TMCC1: variants seen among roughly 807,000 people sequenced by gnomAD.
The protein encoded by TMCC1 is transmembrane and coiled-coil domain family 1.
In TMCC1, 15 loss-of-function variants were observed where a neutral mutation model predicts 52.4. The observed-to-expected ratio is 0.29, with a 90% CI of 0.19 to 0.44. The LOEUF is 0.44. Ranked by LOEUF, TMCC1 falls within the 20% of genes least tolerant of loss-of-function variation. TMCC1 has a pLI of 1.00. For synonymous variants in TMCC1, 279 were observed against 301.9 expected (o/e 0.92, Z 0.79); for missense variants, 503 against 806.0 (o/e 0.62, Z 4.55).
chr3:129,738,023 C>A (rs571262111), intron 4 of TMCC1, among the ~76,000 whole-genome samples: 5 of 152,048 alleles, frequency 3.3e-5, no homozygotes, highest in Non-Finnish European at 7.4e-5. Context: ...GTAATCCCAG[C>A]ACTTTGGGAG....
At chr3:129,751,347 T>C (rs147627724) in intron 4 of TMCC1, among the ~76,000 whole-genome samples, 7 of 151,994 alleles carry the variant, frequency 4.6e-5, no homozygotes, top group African/African-American at 4.8e-5. Context: ...CTGGGCAACA[T>C]AGTAAGACCT....
chr3:129,722,588 A>C (rs1258996005), intron 4 of TMCC1, among the ~76,000 whole-genome samples: 1 of 152,176 alleles, frequency 6.6e-6, no homozygotes, highest in Non-Finnish European at 1.5e-5. Flanking sequence ...AAAAATATTT[A>C]AATTATGTTT....
chr3:129,752,087 C>T (rs2052578572), intron 4 of TMCC1, among the ~76,000 whole-genome samples: 1 of 152,166 alleles, frequency 6.6e-6, no homozygotes, highest in Admixed American at 6.5e-5. Context: ...TATGAAAGGA[C>T]CACCTTAATC....
chr3:129,828,414 A>T lies in TMCC1; in HGVS notation c.-36T>A, dbSNP rs2058751585. 22 of 1,582,292 alleles carry T rather than the reference A, an allele frequency of 1.4e-5. No individual in the cohort carries two copies. Among genetic ancestry groups the T allele is most frequent in the Non-Finnish European group, 1.9e-5 (22 of 1,164,286 alleles). Reference sequence around the variant, plus strand: ...AATATGCTTATTTGCAAACTCAAAAAAATTTTTTAAACACACCAAGAGTGT... The same window carrying T: ...AATATGCTTATTTGCAAACTCAAAATAATTTTTTAAACACACCAAGAGTGT... On this transcript the variant is annotated 5_prime_UTR_variant, in exon 4 of 7. Transcript: ENST00000393238. This position sits in a 1 kb window ranked among gnomAD's most constrained non-coding sequence, Gnocchi z 4.1.
At chr3:129,729,499 T>C (rs961246253) in intron 4 of TMCC1, among the ~76,000 whole-genome samples, 3 of 152,174 alleles carry the variant, frequency 2.0e-5, no homozygotes, top group African/African-American at 7.2e-5. Context: ...ATACAGCTGT[T>C]CCTTGACTTT....
chr3:129,688,283 C>T (rs1045163893), intron 4 of TMCC1: 1 of 985,318 alleles, frequency 1.0e-6, no homozygotes, highest in African/African-American at 1.7e-5. Flanking sequence ...AAAATCACAA[C>T]CTCTCTTGGC....
chr3:129,748,184 C>T (rs926088099), intron 4 of TMCC1, among the ~76,000 whole-genome samples: 2 of 152,062 alleles, frequency 1.3e-5, no homozygotes, highest in South Asian at 2.1e-4. Context: ...CTTCCTGTGT[C>T]TCAAAACTGT....
intron 4 of TMCC1, among the ~76,000 whole-genome samples, chr3:129,767,312 A>G (rs1176346943): frequency 6.6e-6 from 1 of 151,382 alleles, no homozygotes; most frequent in Non-Finnish European, 1.5e-5. Flanking sequence ...TTATCCATTT[A>G]AAGTATACAA....
At chr3:129,842,011 G>T (rs2059442317) in intron 2 of TMCC1, among the ~76,000 whole-genome samples, 1 of 152,048 alleles carries the variant, frequency 6.6e-6, no homozygotes, top group Non-Finnish European at 1.5e-5. Context: ...TTATAATAGG[G>T]TCAGTTCCTA....
intron 4 of TMCC1, among the ~76,000 whole-genome samples, chr3:129,798,156 C>T (rs1367395525): frequency 2.6e-5 from 4 of 151,912 alleles, no homozygotes; most frequent in East Asian, 1.9e-4. Context: ...CCACCATGCC[C>T]GGCTAATTTT....
chr3:129,784,971 CCCT>C (rs1257029908), intron 4 of TMCC1, among the ~76,000 whole-genome samples: 1 of 151,898 alleles, frequency 6.6e-6, no homozygotes, highest in African/African-American at 2.4e-5. Flanking sequence ...CAGAGCGAGA[CCCT>C]CATCTCTTTT....
intron 4 of TMCC1, among the ~76,000 whole-genome samples, chr3:129,727,785 CA>C (rs2050222422): frequency 6.6e-6 from 1 of 152,182 alleles, no homozygotes; most frequent in African/African-American, 2.4e-5. Context: ...GTCTTCTTCC[CA>C]TACTGACTTT....
At position 129,828,305 on chromosome 3, in the gene TMCC1, C is replaced by A; in HGVS notation, c.74G>T (p.Arg25Ile). 1 of 1,614,136 alleles carries A rather than the reference C, an allele frequency of 6.2e-7. No homozygotes were observed. Residue 25 changes from arginine to isoleucine, a missense_variant, in exon 4 of 7, where the codon AGA (arginine) becomes ATA (isoleucine). Around this residue, in one of 7 missense-constraint regions of TMCC1, gnomAD observed 217 missense variants for 297.9 expected, o/e 0.73. Transcript: ENST00000393238. The surrounding 1 kb of genome is among the most constrained non-coding windows in gnomAD (Gnocchi z 4.1). ...PGGKSQDAEA[R>I]KQTESEQKLS... is the part of the protein sequence containing the mutation. The stretch of plus-strand genomic sequence containing the variant: ...TTTTTGTTCTGATTCTGTCTGCTTT[C>A]TGGCCTCTGCATCTTGGGATTTGCC...
chr3:129,821,264 C>T (rs185598488), intron 4 of TMCC1, among the ~76,000 whole-genome samples: 230 of 152,290 alleles, frequency 1.5e-3, no homozygotes, highest in African/African-American at 5.2e-3. Context: ...AGCTTAGACT[C>T]AGCCATGAAC....
chr3:129,809,838 C>A (rs1183407073), intron 4 of TMCC1, among the ~76,000 whole-genome samples: 2 of 152,074 alleles, frequency 1.3e-5, no homozygotes, highest in Non-Finnish European at 2.9e-5. Flanking sequence ...TAGGTAAATC[C>A]CACTAAAACA....
At chr3:129,841,476 T>C (rs959003675) in intron 2 of TMCC1, among the ~76,000 whole-genome samples, 1 of 151,960 alleles carries the variant, frequency 6.6e-6, no homozygotes, top group Non-Finnish European at 1.5e-5. Flanking sequence ...AGTCCCAGCT[T>C]GGGAGGCTGA....
chr3:129,822,190 T>C (rs2058454907), intron 4 of TMCC1, among the ~76,000 whole-genome samples: 1 of 152,204 alleles, frequency 6.6e-6, no homozygotes, highest in African/African-American at 2.4e-5. Context: ...ATTTTAATGA[T>C]GAATGGGATT....
At chr3:129,808,282 A>C (rs1457830643) in intron 4 of TMCC1, among the ~76,000 whole-genome samples, 2 of 152,130 alleles carry the variant, frequency 1.3e-5, no homozygotes, top group Non-Finnish European at 2.9e-5. Flanking sequence ...CAGGAGTTTG[A>C]GACCAGCCTG....
intron 4 of TMCC1, among the ~76,000 whole-genome samples, chr3:129,726,897 A>AAAAAAAAAAAAAAAAAAAAAC (rs2050148706): frequency 7.0e-6 from 1 of 142,650 alleles, no homozygotes; most frequent in South Asian, 2.2e-4. Flanking sequence ...AAAAAAAAAA[A>AAAAAAAAAAAAAAAAAAAAAC]AGAACCACTG....
Sources: gnomAD v4.1 joint callset for allele counts (sites outside exome capture counted in the v4.1 genomes callset) on GRCh38, gnomAD v4.1.1 for gene constraint, gnomAD v4.1.1 regional missense constraint, Gnocchi (gnomAD v3.1) non-coding constraint, MANE v1.5 for transcripts, NCBI Gene and HGNC (gene_info 2026-07-23, HGNC 2026-07-21) for gene names.